Variants in INPP4A observed in about 807,000 individuals in gnomAD.
INPP4A encodes inositol polyphosphate-4-phosphatase type I A, also known as inositol polyphosphate-4-phosphatase, type I, 107kD.
A neutral mutation model predicts 119.8 loss-of-function variants in INPP4A; 33 were observed. The ratio of observed to expected loss-of-function variants is 0.28; its 90% CI spans 0.21 to 0.37. The LOEUF (loss-of-function observed/expected upper bound fraction) is 0.37. INPP4A is among the 10% of genes least tolerant of loss of function. The pLI is 1.00. For missense variants in INPP4A, 956 were observed against 1,289.9 expected, an observed-to-expected ratio of 0.74 and a Z score of 3.97; for synonymous variants, 496 against 500.7, an observed-to-expected ratio of 0.99 and a Z score of 0.12.
intron 1 of INPP4A, among the ~76,000 whole-genome samples, chr2:98,468,017 G>T (rs996927742): frequency 1.3e-5 from 2 of 152,112 alleles, no homozygotes; most frequent in Admixed American, 6.5e-5. Context: ...CGTAAGTTCA[G>T]CCTCATCTTT....
At chr2:98,484,601 A>G (rs1679168432) in intron 1 of INPP4A, among the ~76,000 whole-genome samples, 1 of 152,154 alleles carries the variant, frequency 6.6e-6, no homozygotes, top group Non-Finnish European at 1.5e-5. Flanking sequence ...TTCCCCAGTT[A>G]TTAAAATTTT....
Position 98,537,409 on chromosome 2 carries a change from G to C in INPP4A, c.468-454G>C, listed in dbSNP as rs963448387. ...AAGCCCTGGCTGGATTCCATTACTT[G>C]GAGTCCAGGCTTAGGCCTTGGGCTA... is the stretch of plus-strand genomic sequence containing the variant. On this transcript the variant is annotated intron_variant, in intron 7 of 24. Coordinates refer to ENST00000409851, the MANE Select transcript of INPP4A (RefSeq NM_001134225.2). Among the ~76,000 whole-genome samples the C allele has an allele frequency of 3.3e-5, 5 of 152,338 alleles. No individual in the cohort carries two copies. In the East Asian group the frequency reaches 5.8e-4, roughly 18 times the overall value.
intron 1 of INPP4A, among the ~76,000 whole-genome samples, chr2:98,501,766 CTGGAATTTGATAAATTA>C (rs1574778922): frequency 2.0e-5 from 3 of 152,334 alleles, no homozygotes; most frequent in Admixed American, 6.5e-5. Context: ...TGTGATTTCC[CTGGAATTTGATAAATTA>C]AAACCTGGAC....
intron 24 of INPP4A, among the ~76,000 whole-genome samples, chr2:98,582,729 A>G (rs1559122587): frequency 6.6e-6 from 1 of 151,930 alleles, no homozygotes. Flanking sequence ...CCAGACAGAA[A>G]GATAACCTAC....
chr2:98,552,359 T>C (rs1693684982), intron 13 of INPP4A, among the ~76,000 whole-genome samples: 1 of 152,212 alleles, frequency 6.6e-6, no homozygotes, highest in South Asian at 2.1e-4. Context: ...TAACACCCAC[T>C]GCAGTCTCTG....
In INPP4A at chr2:98,554,586, T is replaced by G; in HGVS notation, c.1566+97T>G. 2 of 1,063,314 alleles carry G rather than the reference T, an allele frequency of 1.9e-6. No individual in the cohort carries two copies. The highest frequency in any genetic ancestry group is 2.8e-6 in the Non-Finnish European group (2 of 722,250). 65.9% of individuals were successfully genotyped at this position (1,063,314 alleles called of 1,614,324 possible). A position where few individuals can be genotyped will look rare whatever the true frequency, so the allele number is the denominator to read the frequency against. On this transcript the variant is annotated intron_variant, in intron 15 of 24. Transcript: ENST00000409851. This position sits in a 1 kb window ranked among gnomAD's most constrained non-coding sequence, Gnocchi z 4.7. ...TCTGCCCCTCTGAAGTGCCTCAAGGTTCAACTGCTGTGAACAAGCTCCAGG... is the reference window on the plus strand; with the variant it reads ...TCTGCCCCTCTGAAGTGCCTCAAGGGTCAACTGCTGTGAACAAGCTCCAGG...
chr2:98,521,189 C>T (rs893597003), intron 4 of INPP4A: 4 of 156,258 alleles, frequency 2.6e-5, no homozygotes, highest in Admixed American at 1.3e-4. Context: ...GCAACATTGG[C>T]ACCTGCATGC....
At chr2:98,450,364 A>G (rs10496327) in intron 1 of INPP4A, among the ~76,000 whole-genome samples, 35,223 of 152,240 alleles carry the variant, frequency 0.23, 4,352 homozygotes, top group Middle Eastern at 0.32. Flanking sequence ...ATTTGCCAGT[A>G]TCAACAATTT....
intron 5 of INPP4A, 78 bp downstream of exon 5, chr2:98,533,573 T>C: frequency 1.2e-6 from 1 of 850,344 alleles, no homozygotes; most frequent in South Asian, 1.4e-5. Flanking sequence ...TTCAGTTACT[T>C]GTGCATCTGT....
chr2:98,525,224 G>A (rs879922110), intron 4 of INPP4A, among the ~76,000 whole-genome samples: 6 of 152,192 alleles, frequency 3.9e-5, no homozygotes, highest in Non-Finnish European at 7.3e-5. Context: ...TGGACTTACA[G>A]TCCTCTTCCT....
Position 98,535,745 on chromosome 2 carries a change from T to C in INPP4A, c.287T>C (p.Ile96Thr). The change falls in exon 6 of 25, where the codon ATA becomes ACA. Residue 96 changes from isoleucine (I) to threonine (T), a missense_variant. Ile to Thr is a moderately conservative substitution (Grantham distance 89). Around this residue, in one of 2 missense-constraint regions of INPP4A, gnomAD observed 652 missense variants for 797.9 expected, o/e 0.82. Transcript: ENST00000409851. ...TEIIEGTNNP[I>T]FLSSIAFFQD... ...CTGTTCTAGGGAACCAACAATCCTA[T>C]ATTTCTAAGCAGTATTGCCTTCTTT... is the stretch of plus-strand genomic sequence containing the variant. 6.5e-7 allele frequency: 1 copy of C among 1,537,690 alleles called. No homozygotes were observed.
intron 4 of INPP4A, among the ~76,000 whole-genome samples, chr2:98,523,418 G>C: frequency 6.8e-6 from 1 of 147,660 alleles, no homozygotes; most frequent in Non-Finnish European, 1.5e-5. Flanking sequence ...TTTTTGAGAC[G>C]GAGTCTCTCT....
At position 98,532,181 on chromosome 2, in the gene INPP4A, T is replaced by C. The variant is rs543812591; in HGVS notation, c.152-1196T>C. 3.9e-5 allele frequency among the ~76,000 whole-genome samples: 6 copies of C among 152,280 alleles called. No homozygotes were observed. The East Asian group carries it at 1.2e-3, about 29-fold the overall frequency. ...TCCTCAAAACATGCCAAGGTATTGC[T>C]CTCCCCCACCCTTCCAAATTCATAT... On this transcript the variant is annotated intron_variant, in intron 4 of 24. Transcript: ENST00000409851.
intron 16 of INPP4A, among the ~76,000 whole-genome samples, chr2:98,556,506 G>A (rs1206234043): frequency 6.6e-6 from 1 of 152,252 alleles, no homozygotes; most frequent in East Asian, 1.9e-4. Context: ...CTGGGAAACA[G>A]TCCCTGCAAC....
At chr2:98,540,586 G>A (rs774936631) in intron 10 of INPP4A, among the ~76,000 whole-genome samples, 18 of 152,352 alleles carry the variant, frequency 1.2e-4, no homozygotes, top group Admixed American at 3.9e-4. Context: ...TTGACTCAAG[G>A]TTCTGGAAAC....
intron 13 of INPP4A, among the ~76,000 whole-genome samples, chr2:98,549,597 A>G (rs979156565): frequency 1.3e-5 from 2 of 152,154 alleles, no homozygotes; most frequent in African/African-American, 4.8e-5. Context: ...GAGGCTCTGC[A>G]GTGGTGCTTC....
intron 1 of INPP4A, among the ~76,000 whole-genome samples, chr2:98,480,800 C>G (rs973653635): frequency 4.6e-5 from 7 of 152,236 alleles, no homozygotes; most frequent in African/African-American, 1.7e-4. Flanking sequence ...TTCCACTAGC[C>G]TGTCTTCTTG....
At chr2:98,538,114 G>C in intron 8 of INPP4A, 140 bp downstream of exon 8, 1 of 615,536 alleles carries the variant, frequency 1.6e-6, no homozygotes, top group Non-Finnish European at 2.9e-6. Flanking sequence ...CGGACACTCC[G>C]GTCCTCCTTA....
intron 1 of INPP4A, among the ~76,000 whole-genome samples, chr2:98,518,621 A>G (rs1319421676): frequency 6.6e-6 from 1 of 152,200 alleles, no homozygotes; most frequent in Non-Finnish European, 1.5e-5. Flanking sequence ...CAGGGCCTTA[A>G]GAGGGCCCTG....
Sources: gnomAD v4.1 joint callset for allele counts (sites outside exome capture counted in the v4.1 genomes callset) on GRCh38, gnomAD v4.1.1 for gene constraint, gnomAD v4.1.1 regional missense constraint, Gnocchi (gnomAD v3.1) non-coding constraint, MANE v1.5 for transcripts, NCBI Gene and HGNC (gene_info 2026-07-23, HGNC 2026-07-21) for gene names.